MGAT4A: variants seen among roughly 807,000 people sequenced by gnomAD.
MGAT4A encodes N-acetylglucosaminyltransferase IVa.
A neutral mutation model predicts 74.1 loss-of-function variants in MGAT4A; 33 were observed. The ratio of observed to expected loss-of-function variants is 0.45; its 90% CI spans 0.34 to 0.60. The LOEUF (loss-of-function observed/expected upper bound fraction) is 0.60. Ranked by LOEUF, MGAT4A falls within the 20% of genes least tolerant of loss-of-function variation. The pLI is 0.02. For missense variants in MGAT4A, 479 were observed against 628.3 expected (o/e 0.76, Z 2.54); for synonymous variants, 198 against 210.4 (o/e 0.94, Z 0.51).
chr2:98,687,246 G>C (rs1702143178), intron 2 of MGAT4A, among the ~76,000 whole-genome samples: 1 of 150,526 alleles, frequency 6.6e-6, no homozygotes, highest in African/African-American at 2.5e-5. Flanking sequence ...TTCTAATGTA[G>C]TTCTACATTA....
At chr2:98,690,757 A>G (rs1486524481) in intron 2 of MGAT4A, among the ~76,000 whole-genome samples, 2 of 152,236 alleles carry the variant, frequency 1.3e-5, no homozygotes, top group Admixed American at 6.5e-5. Flanking sequence ...TGGGTACATT[A>G]AACAAATTTT....
At chr2:98,721,179 T>C (rs1702665011) in intron 2 of MGAT4A, among the ~76,000 whole-genome samples, 1 of 152,168 alleles carries the variant, frequency 6.6e-6, no homozygotes, top group Non-Finnish European at 1.5e-5. Flanking sequence ...AAGAATCCTA[T>C]GTCCAGAAAA....
At chr2:98,695,916 T>A (rs1702267086) in intron 2 of MGAT4A, among the ~76,000 whole-genome samples, 1 of 151,530 alleles carries the variant, frequency 6.6e-6, no homozygotes, top group Non-Finnish European at 1.5e-5. Flanking sequence ...TCTGGCTCTG[T>A]TGCCCAGGCT....
Position 98,625,528 on chromosome 2 carries a change from CA to C in MGAT4A, c.*37del. The C allele has an allele frequency of 2.5e-6, 4 of 1,601,210 alleles. No homozygotes were observed. Among genetic ancestry groups the C allele is most frequent in the Non-Finnish European group, 2.5e-6 (3 of 1,176,868 alleles). ...TACATGCTTAACTATCTTTAATTAA[CA>C]AATTCACAGGAAAAAATGTGTTGGT... On this transcript the variant is annotated 3_prime_UTR_variant, in exon 16 of 16. Transcript: ENST00000393487.
chr2:98,698,222 C>T (rs1000138557), intron 2 of MGAT4A, among the ~76,000 whole-genome samples: 3 of 152,078 alleles, frequency 2.0e-5, no homozygotes, highest in Non-Finnish European at 4.4e-5. Context: ...CAAGACCAGC[C>T]TGGCCAACAC....
At chr2:98,722,270 GGATA>G (rs1476230128) in intron 2 of MGAT4A, among the ~76,000 whole-genome samples, 1 of 152,210 alleles carries the variant, frequency 6.6e-6, no homozygotes, top group Non-Finnish European at 1.5e-5. Flanking sequence ...GCGGATGGAT[GGATA>G]AACAGTGTGG....
chr2:98,712,529 T>A (rs528195647), intron 2 of MGAT4A, among the ~76,000 whole-genome samples: 1 of 152,366 alleles, frequency 6.6e-6, no homozygotes, highest in South Asian at 2.1e-4. Context: ...GTTACACAGG[T>A]GTGCCCCTTT....
rs753824210 is a variant in MGAT4A, at chr2:98,655,546, AGT to A, written c.699-28_699-27del. On this transcript the variant is annotated intron_variant, in intron 7 of 15. Coordinates refer to ENST00000393487, the MANE Select transcript of MGAT4A (RefSeq NM_012214.3). Reference sequence around the variant, plus strand: ...CTGAAATAAACATTTTCAAAAAGTAAGTTAGGAATCAGACTCAAATTTAGTAA... The same window carrying A: ...CTGAAATAAACATTTTCAAAAAGTAATAGGAATCAGACTCAAATTTAGTAA... 4.9e-5 allele frequency: 75 copies of A among 1,515,640 alleles called. No individual in the cohort carries two copies. The East Asian group carries it at 1.7e-3, about 34-fold the overall frequency. The allele number at this position is 1,515,640 out of a possible 1,614,324, so 93.9% of individuals were successfully genotyped here.
chr2:98,621,697 T>C lies in MGAT4A; in HGVS notation c.*3869A>G. 7.3e-7 allele frequency: 1 copy of C among 1,371,512 alleles called. No homozygotes were observed. The highest frequency in any genetic ancestry group is 3.3e-5 in the Admixed American group (1 of 30,444). The allele number at this position is 1,371,512 out of a possible 1,614,324, so 85.0% of individuals were successfully genotyped here. On this transcript the variant is annotated 3_prime_UTR_variant, in exon 16 of 16. Transcript: ENST00000393487. Reference sequence around the variant, plus strand: ...TGCCTACCACAAATATACACTGTTATTCACTAGAATAATCTCTCCAAACGT... The same window carrying C: ...TGCCTACCACAAATATACACTGTTACTCACTAGAATAATCTCTCCAAACGT...
At chr2:98,651,286 A>G (rs1701575508) in intron 8 of MGAT4A, among the ~76,000 whole-genome samples, 1 of 152,236 alleles carries the variant, frequency 6.6e-6, no homozygotes, top group Admixed American at 6.5e-5. Context: ...ATGCAGGTGC[A>G]TGAATCACTT....
chr2:98,647,448 T>C (rs1050441719), intron 8 of MGAT4A, among the ~76,000 whole-genome samples: 7 of 152,182 alleles, frequency 4.6e-5, no homozygotes, highest in African/African-American at 1.7e-4. Context: ...CCCAAGTAGC[T>C]GAGACTACAG....
At chr2:98,645,668 T>C in intron 8 of MGAT4A, 126 bp from the exon 9 acceptor site, 1 of 727,694 alleles carries the variant, frequency 1.4e-6, no homozygotes. Context: ...GTAAAAACAA[T>C]AAAAATATAA....
chr2:98,667,282 C>T (rs907041272), intron 4 of MGAT4A, among the ~76,000 whole-genome samples: 2 of 152,062 alleles, frequency 1.3e-5, no homozygotes, highest in South Asian at 2.1e-4. Flanking sequence ...TAAATTGGTA[C>T]CAGGAGAGTG....
intron 1 of MGAT4A, among the ~76,000 whole-genome samples, chr2:98,730,643 A>G (rs950920549): frequency 2.1e-5 from 3 of 143,954 alleles, no homozygotes; most frequent in African/African-American, 7.8e-5. Context: ...CCGGATCAGC[A>G]CTTTGCTCCA....
intron 6 of MGAT4A, among the ~76,000 whole-genome samples, chr2:98,657,099 T>G (rs1039411151): frequency 6.6e-6 from 1 of 152,180 alleles, no homozygotes; most frequent in Non-Finnish European, 1.5e-5. Flanking sequence ...CAACAAAAAA[T>G]TATCTGGCCC....
At chr2:98,674,544 A>G (rs1354836556) in intron 4 of MGAT4A, among the ~76,000 whole-genome samples, 1 of 152,244 alleles carries the variant, frequency 6.6e-6, no homozygotes, top group East Asian at 1.9e-4. Flanking sequence ...ACAAGAAGAG[A>G]AAAATAAGCT....
chr2:98,693,526 C>T (rs187470745), intron 2 of MGAT4A, among the ~76,000 whole-genome samples: 29 of 152,008 alleles, frequency 1.9e-4, no homozygotes, highest in South Asian at 4.2e-4. Context: ...GGCAACAAAG[C>T]GAGACCCCAT....
At chr2:98,706,892 GAA>G (rs11324730) in intron 2 of MGAT4A, among the ~76,000 whole-genome samples, 5,777 of 127,432 alleles carry the variant, frequency 0.045, 187 homozygotes, top group African/African-American at 0.11. Flanking sequence ...CATTAAAAAT[GAA>G]AAAAAAAAAA....
At position 98,625,651 on chromosome 2, in the gene MGAT4A, C is replaced by A. The variant is rs368511628; in HGVS notation, c.1582-59G>T. Reference sequence around the variant, plus strand: ...CTGTTAATTCTCAATTCCAAAAAGGCCTTAAATACAAAATAAAAACATAAT... The same window carrying A: ...CTGTTAATTCTCAATTCCAAAAAGGACTTAAATACAAAATAAAAACATAAT... On this transcript the variant is annotated intron_variant, in intron 15 of 15. Coordinates refer to ENST00000393487, the MANE Select transcript of MGAT4A (RefSeq NM_012214.3). 3.5e-5 allele frequency: 55 copies of A among 1,560,332 alleles called. 1 individual carries two copies. The East Asian group carries it at 1.2e-3, about 34-fold the overall frequency.
Sources: allele counts gnomAD v4.1 joint callset (sites outside exome capture counted in the v4.1 genomes callset), GRCh38; gene constraint gnomAD v4.1.1; transcripts MANE v1.5; gene names NCBI Gene and HGNC (gene_info 2026-07-23, HGNC 2026-07-21).